NPNT: variants seen among roughly 807,000 people sequenced by gnomAD.
NPNT encodes the protein preosteoblast EGF-like repeat protein with MAM domain.
In NPNT, 45 loss-of-function variants were observed where a neutral mutation model predicts 68.6. That is an observed-to-expected ratio of 0.66 (90% CI 0.52 to 0.84). NPNT has a LOEUF of 0.84. Ranked by LOEUF, NPNT falls within the 40% of genes least tolerant of loss-of-function variation. The pLI is 0.00. For synonymous variants in NPNT, 233 were observed against 253.3 expected, an observed-to-expected ratio of 0.92 and a Z score of 0.76; for missense variants, 672 against 714.8, an observed-to-expected ratio of 0.94 and a Z score of 0.68.
chr4:105,908,189 A>G (rs1727072949), intron 2 of NPNT, among the ~76,000 whole-genome samples: 1 of 151,922 alleles, frequency 6.6e-6, no homozygotes, highest in Non-Finnish European at 1.5e-5. Flanking sequence ...ATTTTCTGCC[A>G]TACATTAGCT....
At position 105,895,822 on chromosome 4, in the gene NPNT, G is replaced by A; in HGVS notation, c.71+99G>A. On this transcript the variant is annotated intron_variant, in intron 1 of 11. Coordinates refer to ENST00000379987, the MANE Select transcript of NPNT (RefSeq NM_001033047.3). ...CCCGCGGGGTTTCGTGGTCAGAGAGGCGTCTCCTCCATCCAGAAGTTGGGC... is the reference window on the plus strand; with the variant it reads ...CCCGCGGGGTTTCGTGGTCAGAGAGACGTCTCCTCCATCCAGAAGTTGGGC... The A allele has an allele frequency of 3.7e-6, 4 of 1,067,504 alleles. No homozygotes were observed. The East Asian group carries it at 8.0e-5, about 21-fold the overall frequency. 66.1% of individuals were successfully genotyped at this position (1,067,504 alleles called of 1,614,324 possible). A position where few individuals can be genotyped will look rare whatever the true frequency, so the allele number is the denominator to read the frequency against.
chr4:105,969,260 T>C lies in NPNT; in HGVS notation c.*270T>C, dbSNP rs1732405355. 1 of 320,442 alleles carries C rather than the reference T, an allele frequency of 3.1e-6. No individual in the cohort carries two copies. Among genetic ancestry groups the C allele is most frequent in the African/African-American group, 2.1e-5 (1 of 48,080 alleles). The allele number at this position is 320,442 out of a possible 1,614,324, so 19.8% of individuals were successfully genotyped here. A position where few individuals can be genotyped will look rare whatever the true frequency, so the allele number is the denominator to read the frequency against. On this transcript the variant is annotated 3_prime_UTR_variant, in exon 12 of 12. Coordinates refer to ENST00000379987, the MANE Select transcript of NPNT (RefSeq NM_001033047.3). The stretch of plus-strand genomic sequence containing the variant: ...ATCCTGTGTCTCTTTCAGGAAGGCA[T>C]TCAGCATGCGTGAGCCATACCATCC...
chr4:105,895,711 A>C lies in NPNT; in HGVS notation c.59A>C (p.Glu20Ala), dbSNP rs765331387. Residue 20 changes from glutamate (E) to alanine (A), a missense_variant, in exon 1 of 12, where the codon GAG (glutamate) becomes GCG (alanine). Transcript: ENST00000379987. ...VSSLYLQAAA[E>A]FDGRWPRQIV... ...TCGCTCTACCTGCAGGCGGCCGCCGAGTTCGACGGGAGGTGAGCTGGGCCC... is the reference window on the plus strand; with the variant it reads ...TCGCTCTACCTGCAGGCGGCCGCCGCGTTCGACGGGAGGTGAGCTGGGCCC... 56 of 1,553,276 alleles carry C rather than the reference A, an allele frequency of 3.6e-5. No individual in the cohort carries two copies. In the African/African-American group the frequency reaches 6.3e-4, roughly 17 times the overall value.
chr4:105,895,936 C>G (rs982096625), intron 1 of NPNT: 2 of 554,726 alleles, frequency 3.6e-6, no homozygotes, highest in African/African-American at 3.9e-5. Flanking sequence ...AGTCTGGGAC[C>G]CCATCCGCGG....
Position 105,895,652 on chromosome 4 carries a change from C to A in NPNT, c.-1C>A. The A allele has an allele frequency of 6.4e-7, 1 of 1,550,698 alleles. No homozygotes were observed. Among genetic ancestry groups the A allele is most frequent in the Non-Finnish European group, 8.7e-7 (1 of 1,147,082 alleles). On this transcript the variant is annotated 5_prime_UTR_variant, in exon 1 of 12. Transcript: ENST00000379987. ...CTGCGCCCCAGGACCCGCTGCCCAA[C>A]ATGGATTTTCTCCTGGCGCTGGTGC...
intron 2 of NPNT, among the ~76,000 whole-genome samples, chr4:105,913,970 T>C (rs1727586376): frequency 1.3e-5 from 2 of 152,124 alleles, no homozygotes; most frequent in Admixed American, 1.3e-4. Context: ...TTTGAGAGCT[T>C]ACTAGAGGTA....
In NPNT at chr4:105,940,136, TTTTGGGA is replaced by T; in HGVS notation, c.568_574del (p.Phe190AlafsTer24). Reference sequence around the variant, plus strand: ...CTAGATTTAGGCAATGTGTCAACACTTTTGGGAGCTACATCTGCAAGTGTCATAAAGG... The same window carrying T: ...CTAGATTTAGGCAATGTGTCAACACTGCTACATCTGCAAGTGTCATAAAGG... On this transcript the variant is annotated frameshift_variant, in exon 6 of 12. Transcript: ENST00000379987. LOFTEE classifies it high-confidence loss of function. 1 of 1,612,606 alleles carries T rather than the reference TTTTGGGA, an allele frequency of 6.2e-7. No homozygotes were observed. Among genetic ancestry groups the T allele is most frequent in the Non-Finnish European group, 8.5e-7 (1 of 1,178,652 alleles).
intron 8 of NPNT, among the ~76,000 whole-genome samples, chr4:105,954,117 G>A (rs1731038481): frequency 6.6e-6 from 1 of 152,196 alleles, no homozygotes; most frequent in Non-Finnish European, 1.5e-5. Context: ...AGTAGAAAGT[G>A]CCTGGCCAGC....
rs746122761 is a variant in NPNT at position 105,903,783 on chromosome 4, C to CTTTTTT, written c.172+5796_172+5801dup. Among the ~76,000 whole-genome samples the CTTTTTT allele has an allele frequency of 2.1e-4, 27 of 126,954 alleles. No homozygotes were observed. In the South Asian group the frequency reaches 6.5e-3, roughly 31 times the overall value. 83.3% of individuals were successfully genotyped at this position (126,954 alleles called of 152,430 possible). ...AAGGTTTTATTTATAGACCTTCTTA[C>CTTTTTT]TTTTTTTTTTTTTTTTTTTGAGATA... On this transcript the variant is annotated intron_variant, in intron 2 of 11. Transcript: ENST00000379987.
chr4:105,942,322 T>C lies in NPNT; in HGVS notation c.779T>C (p.Met260Thr), dbSNP rs1294341869. 4 of 1,598,968 alleles carry C rather than the reference T, an allele frequency of 2.5e-6. No homozygotes were observed. In the African/African-American group the frequency reaches 4.0e-5, roughly 16 times the overall value. ...ACTCTTTCAGATATCCCAAAAGTTA[T>C]GATTGAACCTTCAGGTCCAATTCAT... ...GLTCVYIPKVMIEPSGPIHVP... is the reference protein window; with the variant it reads ...GLTCVYIPKVTIEPSGPIHVP... The change falls in exon 8 of 12, where the codon ATG becomes ACG. Residue 260 changes from methionine to threonine, a missense_variant. Coordinates refer to ENST00000379987, the MANE Select transcript of NPNT (RefSeq NM_001033047.3).
At chr4:105,936,865 A>T (rs1217095531) in intron 3 of NPNT, 144 bp from the exon 4 acceptor site, 8 of 759,960 alleles carry the variant, frequency 1.1e-5, no homozygotes, top group Non-Finnish European at 1.6e-5. Flanking sequence ...TTGCATGAAC[A>T]GGATCTATCT....
rs1279519633 is a variant in NPNT at position 105,961,672 on chromosome 4, CAAAG to C, written c.1345+2550_1345+2553del. ...GAGGGTTAGAAATTAGAATGGTAGA[CAAAG>C]AAATTTGAAATCGTTATTGGACCGT... On this transcript the variant is annotated intron_variant, in intron 10 of 11. Coordinates refer to ENST00000379987, the MANE Select transcript of NPNT (RefSeq NM_001033047.3). Among the ~76,000 whole-genome samples the C allele has an allele frequency of 3.3e-5, 5 of 152,088 alleles. No homozygotes were observed. The East Asian group carries it at 9.6e-4, about 29-fold the overall frequency.
intron 2 of NPNT, among the ~76,000 whole-genome samples, chr4:105,926,209 T>C (rs1728666765): frequency 6.6e-6 from 1 of 152,194 alleles, no homozygotes; most frequent in Non-Finnish European, 1.5e-5. Context: ...TAATGATTTC[T>C]TCACAGATTT....
At chr4:105,922,546 G>C (rs904586078) in intron 2 of NPNT, among the ~76,000 whole-genome samples, 1 of 151,600 alleles carries the variant, frequency 6.6e-6, no homozygotes, top group Non-Finnish European at 1.5e-5. Flanking sequence ...CACCACACCT[G>C]GCTAGTTTTT....
In NPNT at chr4:105,938,377, A is replaced by T; in HGVS notation, c.462A>T (p.Pro154=). The T allele has an allele frequency of 6.2e-7, 1 of 1,613,536 alleles. No individual in the cohort carries two copies. Among genetic ancestry groups the T allele is most frequent in the South Asian group, 1.1e-5 (1 of 91,072 alleles). The change falls in exon 5 of 12, where the codon CCA becomes CCT. Residue 154 remains proline (P), a synonymous_variant. Coordinates refer to ENST00000379987, the MANE Select transcript of NPNT (RefSeq NM_001033047.3). ...VVKGQIRCQC[P]SPGLQLAPDG... Reference sequence around the variant, plus strand: ...AAGGACAAATACGGTGCCAGTGCCCATCCCCTGGCCTGCAGCTGGCTCCTG... The same window carrying T: ...AAGGACAAATACGGTGCCAGTGCCCTTCCCCTGGCCTGCAGCTGGCTCCTG...
chr4:105,902,215 T>C (rs1353039885), intron 2 of NPNT, among the ~76,000 whole-genome samples: 1 of 152,218 alleles, frequency 6.6e-6, no homozygotes, highest in African/African-American at 2.4e-5. Context: ...AAGAGAAAAT[T>C]AGAGCTGTTA....
intron 11 of NPNT, 125 bp from the exon 12 acceptor site, chr4:105,968,770 T>C: frequency 1.7e-6 from 1 of 602,598 alleles, no homozygotes; most frequent in South Asian, 2.3e-5. Flanking sequence ...TATATTCTGT[T>C]TTTTTCCTCC....
intron 8 of NPNT, among the ~76,000 whole-genome samples, chr4:105,954,886 A>G (rs1436389173): frequency 1.3e-5 from 2 of 152,194 alleles, no homozygotes; most frequent in Admixed American, 1.3e-4. Flanking sequence ...TACCTGGGGA[A>G]ATTGTTAAAA....
intron 2 of NPNT, among the ~76,000 whole-genome samples, chr4:105,919,419 A>G (rs1728069313): frequency 6.6e-6 from 1 of 152,124 alleles, no homozygotes; most frequent in Non-Finnish European, 1.5e-5. Context: ...TTTAGTATTG[A>G]TATAATAATG....
Sources: gnomAD v4.1 joint callset for allele counts (sites outside exome capture counted in the v4.1 genomes callset) on GRCh38, gnomAD v4.1.1 for gene constraint, MANE v1.5 for transcripts, NCBI Gene and HGNC (gene_info 2026-07-23, HGNC 2026-07-21) for gene names.